POLR1B: variants seen among roughly 807,000 people sequenced by gnomAD.
POLR1B encodes DNA-directed RNA polymerase I subunit RPA2.
In POLR1B, 30 loss-of-function variants were observed where a neutral mutation model predicts 105.8. The ratio of observed to expected loss-of-function variants is 0.28; its 90% CI spans 0.21 to 0.38. POLR1B has a LOEUF of 0.38. Ranked by LOEUF, POLR1B falls within the 10% of genes least tolerant of loss-of-function variation. POLR1B has a pLI of 1.00. For missense variants in POLR1B, 976 were observed against 1,435.8 expected (o/e 0.68, Z 5.17); for synonymous variants, 485 against 505.1 (o/e 0.96, Z 0.53).
chr2:112,573,169 C>A (rs916875430), intron 13 of POLR1B, among the ~76,000 whole-genome samples: 3 of 152,328 alleles, frequency 2.0e-5, no homozygotes. Context: ...GTGGCACGAT[C>A]TTGGCTCACT....
intron 7 of POLR1B, among the ~76,000 whole-genome samples, chr2:112,557,181 G>A (rs1461193051): frequency 1.3e-5 from 2 of 152,180 alleles, no homozygotes; most frequent in East Asian, 3.8e-4. Context: ...ACCTACTTAG[G>A]AGGTTAAGGC....
At chr2:112,565,781 G>T (rs140846879) in intron 10 of POLR1B, among the ~76,000 whole-genome samples, 192 of 152,050 alleles carry the variant, frequency 1.3e-3, no homozygotes, top group African/African-American at 4.4e-3. Flanking sequence ...ATGACTGATG[G>T]AATCATTGGC....
At position 112,547,423 on chromosome 2, in the gene POLR1B, T is replaced by C. The variant is rs1683114787; in HGVS notation, c.348T>C (p.Ala116=). ...CTTTTTCTCTTGTTTTCATTTAGGC[T>C]GATATCAACTGGGCAGTGAATGGAA... ...RRSTYRGKLT[A]DINWAVNGIS... is the part of the protein sequence containing the mutation. Residue 116 remains alanine, a splice_region_variant and synonymous_variant, in exon 3 of 15, where the codon GCT becomes GCC. Coordinates refer to ENST00000263331, the MANE Select transcript of POLR1B (RefSeq NM_019014.6). 1 of 1,613,182 alleles carries C rather than the reference T, an allele frequency of 6.2e-7. No homozygotes were observed. Among genetic ancestry groups the C allele is most frequent in the African/African-American group, 1.3e-5 (1 of 74,924 alleles).
chr2:112,552,607 G>A (rs1291698772), intron 6 of POLR1B, 38 bp from the exon 7 acceptor site: 1 of 1,480,882 alleles, frequency 6.8e-7, no homozygotes, highest in Non-Finnish European at 9.0e-7. Context: ...ATTACCAACT[G>A]AATTGTTTTA....
rs1457384109 is a variant in POLR1B at position 112,579,425 on chromosome 2, A to G, written c.*3696A>G. ...CATTTTACATTCCTACCAGCAATGT[A>G]TAAGTGATTCATTTCTTGGCATTCT... On this transcript the variant is annotated 3_prime_UTR_variant, in exon 15 of 15. Transcript: ENST00000263331. 6.6e-6 allele frequency: 1 copy of G among 152,168 alleles called. No individual in the cohort carries two copies. The highest frequency in any genetic ancestry group is 1.5e-5 in the Non-Finnish European group (1 of 68,040). The allele number at this position is 152,168 out of a possible 1,614,324, so 9.4% of individuals were successfully genotyped here.
chr2:112,556,934 A>G (rs1324986662), intron 7 of POLR1B, among the ~76,000 whole-genome samples: 1 of 152,176 alleles, frequency 6.6e-6, no homozygotes, highest in East Asian at 1.9e-4. Context: ...CACCTCAAAC[A>G]TGTATCATTT....
chr2:112,542,481 G>A lies in POLR1B; in HGVS notation c.-14G>A. ...GTGTACCGAGAGACTGGCGTCCGGT[G>A]TGCAGGTGGCCACATGGATCCTGGC... is the stretch of plus-strand genomic sequence containing the variant. On this transcript the variant is annotated 5_prime_UTR_variant, in exon 1 of 15. It adds an upstream start codon to the 5' untranslated region. Coordinates refer to ENST00000263331, the MANE Select transcript of POLR1B (RefSeq NM_019014.6). 6.2e-7 allele frequency: 1 copy of A among 1,613,502 alleles called. No homozygotes were observed.
chr2:112,547,619 T>G, intron 3 of POLR1B, 52 bp downstream of exon 3: 1 of 1,566,410 alleles, frequency 6.4e-7, no homozygotes. Flanking sequence ...GGGTTGGGAG[T>G]AAGAAGACAA....
upstream of POLR1B, chr2:112,542,418 C>G (rs948286358): frequency 1.2e-6 from 2 of 1,612,690 alleles, no homozygotes; most frequent in African/African-American, 1.3e-5. Context: ...GGACTGCGGC[C>G]ACTACTTCCG....
Position 112,576,162 on chromosome 2 carries a change from A to G in POLR1B, c.*433A>G, listed in dbSNP as rs2104586028. 1 of 164,148 alleles carries G rather than the reference A, an allele frequency of 6.1e-6. No individual in the cohort carries two copies. The highest frequency in any genetic ancestry group is 1.7e-4 in the East Asian group (1 of 5,784). The allele number at this position is 164,148 out of a possible 1,614,324, so 10.2% of individuals were successfully genotyped here. ...CACGTTGAAGTAAAAACAAACAGGT[A>G]CAGTGTTTTTTACCAGCTTTATAGA... is the stretch of plus-strand genomic sequence containing the variant. On this transcript the variant is annotated 3_prime_UTR_variant, in exon 15 of 15. Transcript: ENST00000263331.
rs1345848217 is a variant in POLR1B at position 112,577,384 on chromosome 2, A to G, written c.*1655A>G. On this transcript the variant is annotated 3_prime_UTR_variant, in exon 15 of 15. Transcript: ENST00000263331. ...AGACTTCATCTCTACAAAAAAAGCAACAACGACAAAAAAAATTAGCCAAGC... is the reference window on the plus strand; with the variant it reads ...AGACTTCATCTCTACAAAAAAAGCAGCAACGACAAAAAAAATTAGCCAAGC... Among the ~76,000 whole-genome samples, 2 of 152,182 alleles carry G rather than the reference A, an allele frequency of 1.3e-5. No homozygotes were observed. Among genetic ancestry groups the G allele is most frequent in the East Asian group, 1.9e-4 (1 of 5,190 alleles).
chr2:112,555,612 A>C (rs1156439918), intron 7 of POLR1B, among the ~76,000 whole-genome samples: 1 of 152,222 alleles, frequency 6.6e-6, no homozygotes, highest in East Asian at 1.9e-4. Context: ...TGATCACGCC[A>C]GTGCACTCCA....
intron 12 of POLR1B, among the ~76,000 whole-genome samples, chr2:112,571,309 T>C (rs1265038217): frequency 6.6e-6 from 1 of 152,206 alleles, no homozygotes; most frequent in South Asian, 2.1e-4. Context: ...ATTATGAACA[T>C]TGCGAGGAGT....
upstream of POLR1B, chr2:112,542,299 C>T: frequency 6.5e-7 from 1 of 1,528,370 alleles, no homozygotes; most frequent in Non-Finnish European, 8.8e-7. Context: ...TTAATCGGCC[C>T]GTTCACTCGA....
chr2:112,569,748 C>T (rs1229178908), intron 12 of POLR1B, among the ~76,000 whole-genome samples: 4 of 151,700 alleles, frequency 2.6e-5, no homozygotes, highest in South Asian at 4.2e-4. Flanking sequence ...TTAGTAGAGA[C>T]GGGGTTTCAC....
At chr2:112,549,098 T>G (rs1053862063) in intron 3 of POLR1B, among the ~76,000 whole-genome samples, 169 bp from the exon 4 acceptor site, 1 of 152,316 alleles carries the variant, frequency 6.6e-6, no homozygotes, top group Middle Eastern at 3.4e-3. Flanking sequence ...AGAAAACTGT[T>G]AATTCACACA....
At chr2:112,561,872 A>G (rs769187876) in intron 9 of POLR1B, among the ~76,000 whole-genome samples, 3 of 151,940 alleles carry the variant, frequency 2.0e-5, no homozygotes, top group Admixed American at 6.6e-5. Flanking sequence ...GGGTCTTGCT[A>G]TGTTATCCAG....
chr2:112,551,889 G>GGTT lies in POLR1B; in HGVS notation c.881_883dup (p.Cys294dup). ...GATGTTAAGGATTGTAATGGAAGAG[G>GGTT]GTTGTTCGACACAAAAACAGGTCCT... is the stretch of plus-strand genomic sequence containing the variant. On this transcript the variant is annotated inframe_insertion, in exon 6 of 15. Coordinates refer to ENST00000263331, the MANE Select transcript of POLR1B (RefSeq NM_019014.6). The GGTT allele has an allele frequency of 6.2e-7, 1 of 1,613,918 alleles. No individual in the cohort carries two copies. Among genetic ancestry groups the GGTT allele is most frequent in the Non-Finnish European group, 8.5e-7 (1 of 1,179,828 alleles).
rs1683847178 is a variant in POLR1B, at chr2:112,559,494, T to C, written c.1532T>C (p.Met511Thr). 1 of 1,614,140 alleles carries C rather than the reference T, an allele frequency of 6.2e-7. No homozygotes were observed. The highest frequency in any genetic ancestry group is 8.5e-7 in the Non-Finnish European group (1 of 1,180,052). The stretch of plus-strand genomic sequence containing the variant: ...CCAGACGGGGAGCCCTGTGGCCTGA[T>C]GAACCACCTAACTGCCGTATGTGAG... ...HTPDGEPCGLMNHLTAVCEVV... is the reference protein window; with the variant it reads ...HTPDGEPCGLTNHLTAVCEVV... Residue 511 changes from methionine (M) to threonine (T), a missense_variant, in exon 9 of 15, where the codon ATG (methionine) becomes ACG (threonine). This residue lies in a region of POLR1B where 5 missense variants were observed against 27.8 expected (regional missense o/e 0.18). Coordinates refer to ENST00000263331, the MANE Select transcript of POLR1B (RefSeq NM_019014.6).
Sources: gnomAD v4.1 joint callset for allele counts (sites outside exome capture counted in the v4.1 genomes callset) on GRCh38, gnomAD v4.1.1 for gene constraint, gnomAD v4.1.1 regional missense constraint, MANE v1.5 for transcripts, NCBI Gene and HGNC (gene_info 2026-07-23, HGNC 2026-07-21) for gene names.